The following SEC24D variants were observed in gnomAD, a reference collection of about 807,000 sequenced individuals.
SEC24D encodes the protein SEC24 homolog D, COPII component.
SEC24D carries 69 observed loss-of-function variants against 116.9 expected under a neutral mutation model. The ratio of observed to expected loss-of-function variants is 0.59; its 90% CI spans 0.49 to 0.72. SEC24D has a LOEUF of 0.72. SEC24D is among the 30% of genes least tolerant of loss of function. The pLI is 0.00. For synonymous variants in SEC24D, 405 were observed against 442.8 expected (o/e 0.91, Z 1.07); for missense variants, 1,131 against 1,264.1 (o/e 0.89, Z 1.60).
intron 3 of SEC24D, among the ~76,000 whole-genome samples, chr4:118,820,066 A>C (rs927131039): frequency 5.9e-5 from 9 of 152,208 alleles, no homozygotes; most frequent in African/African-American, 2.2e-4. Context: ...AATTATTATC[A>C]ATTTTAAAAT....
At position 118,744,874 on chromosome 4, in the gene SEC24D, T is replaced by G. The variant is rs1371945705; in HGVS notation, c.1824+70A>C. 5 of 828,824 alleles carry G rather than the reference T, an allele frequency of 6.0e-6. No individual in the cohort carries two copies. In the Admixed American group the frequency reaches 1.1e-4, roughly 17 times the overall value. 51.3% of individuals were successfully genotyped at this position (828,824 alleles called of 1,614,324 possible). On this transcript the variant is annotated intron_variant, in intron 14 of 22. Transcript: ENST00000280551. ...TTAGTTTCTCCCCTTTTTTCTTACA[T>G]GAAGAACACACTGCCTCTTTAACTC...
rs1725532611 is a variant in SEC24D at position 118,728,698 on chromosome 4, A to C, written c.2869-48T>G. The C allele has an allele frequency of 4.5e-6, 5 of 1,105,296 alleles. No homozygotes were observed. In the East Asian group the frequency reaches 1.2e-4, roughly 26 times the overall value. 68.5% of individuals were successfully genotyped at this position (1,105,296 alleles called of 1,614,324 possible). ...TTTTAGTACAGTTTATAACATTTAG[A>C]TAGAAGTAGCAATATGAGATTATCA... On this transcript the variant is annotated intron_variant, in intron 21 of 22. Coordinates refer to ENST00000280551, the MANE Select transcript of SEC24D (RefSeq NM_014822.4).
chr4:118,803,929 A>AT (rs141391934), intron 7 of SEC24D, among the ~76,000 whole-genome samples: 7,418 of 152,228 alleles, frequency 0.049, 222 homozygotes, highest in Non-Finnish European at 0.063. Context: ...TAATTTGTAT[A>AT]TTTTTATTAT....
At chr4:118,745,943 A>C (rs933495601) in intron 13 of SEC24D, among the ~76,000 whole-genome samples, 2 of 152,060 alleles carry the variant, frequency 1.3e-5, no homozygotes, top group African/African-American at 4.8e-5. Flanking sequence ...TGGGAGGCCA[A>C]TGCAGGAGGA....
intron 8 of SEC24D, among the ~76,000 whole-genome samples, chr4:118,784,459 A>G (rs1248042897): frequency 2.6e-5 from 4 of 152,222 alleles, no homozygotes; most frequent in African/African-American, 9.6e-5. Flanking sequence ...TATGGGATGT[A>G]GTAAACCCCA....
intron 22 of SEC24D, among the ~76,000 whole-genome samples, chr4:118,727,090 G>A (rs1725455762): frequency 6.6e-6 from 1 of 152,198 alleles, no homozygotes; most frequent in African/African-American, 2.4e-5. Flanking sequence ...CCAAGCTAGT[G>A]AGCTCCTTTG....
chr4:118,757,679 G>C (rs753168705), intron 11 of SEC24D, 42 bp downstream of exon 11: 1 of 1,568,310 alleles, frequency 6.4e-7, no homozygotes, highest in Non-Finnish European at 8.6e-7. Context: ...AATTAATTAG[G>C]CAATAATGTA....
At chr4:118,747,831 C>T (rs538602548) in intron 13 of SEC24D, among the ~76,000 whole-genome samples, 1 of 152,082 alleles carries the variant, frequency 6.6e-6, no homozygotes, top group Non-Finnish European at 1.5e-5. Context: ...TGACACTGGA[C>T]AAATTATTTA....
Position 118,744,991 on chromosome 4 carries a change from G to A in SEC24D, c.1777C>T (p.Leu593Phe), listed in dbSNP as rs1392913327. 2 of 1,611,980 alleles carry A rather than the reference G, an allele frequency of 1.2e-6. No homozygotes were observed. Among genetic ancestry groups the A allele is most frequent in the South Asian group, 1.1e-5 (1 of 91,020 alleles). Residue 593 changes from leucine to phenylalanine, a missense_variant, in exon 14 of 23, where the codon CTC becomes TTC. Coordinates refer to ENST00000280551, the MANE Select transcript of SEC24D (RefSeq NM_014822.4). ...SLPTAEAPGK[L>F]KNRDDKKLVN... ...AGTTTTTTGTCATCTCTGTTTTTGAGCTTCCCTGGTGCTTCAGCAGTTGGC... is the reference window on the plus strand; with the variant it reads ...AGTTTTTTGTCATCTCTGTTTTTGAACTTCCCTGGTGCTTCAGCAGTTGGC...
In SEC24D at chr4:118,797,663, CTATTA is replaced by C; in HGVS notation, c.1041+15_1041+19del. ...TTGGAATTGATAAATTATTGAATTG[CTATTA>C]TATATCATTCTTACCTCATTTGAAG... On this transcript the variant is annotated intron_variant, in intron 8 of 22. Transcript: ENST00000280551. The C allele has an allele frequency of 6.6e-7, 1 of 1,523,088 alleles. No homozygotes were observed. Among genetic ancestry groups the C allele is most frequent in the Middle Eastern group, 1.8e-4 (1 of 5,704 alleles). 94.3% of individuals were successfully genotyped at this position (1,523,088 alleles called of 1,614,324 possible).
chr4:118,740,686 C>T lies in SEC24D; in HGVS notation c.2215G>A (p.Glu739Lys). The change falls in exon 17 of 23, where the codon GAA (glutamate) becomes AAA (lysine). Residue 739 changes from glutamate to lysine, a missense_variant. Physicochemically the swap from Glu to Lys is moderately conservative, Grantham distance 56. Coordinates refer to ENST00000280551, the MANE Select transcript of SEC24D (RefSeq NM_014822.4). ...VEFKHDDKLSEDSGALIQCAV... is the reference protein window; with the variant it reads ...VEFKHDDKLSKDSGALIQCAV... ...ACCTGGATTAAGGCTCCACTGTCTT[C>T]ACTGAGTTTGTCATCGTGCTTGAAC... is the stretch of plus-strand genomic sequence containing the variant. 1 of 1,613,896 alleles carries T rather than the reference C, an allele frequency of 6.2e-7. No individual in the cohort carries two copies. The highest frequency in any genetic ancestry group is 8.5e-7 in the Non-Finnish European group (1 of 1,179,836).
intron 2 of SEC24D, among the ~76,000 whole-genome samples, chr4:118,828,512 G>A (rs186428670): frequency 1.3e-5 from 2 of 152,212 alleles, no homozygotes. Flanking sequence ...GACATTTTTG[G>A]TTGCCACAAC....
At position 118,779,898 on chromosome 4, in the gene SEC24D, T is replaced by A. The variant is rs186424306; in HGVS notation, c.1042-11587A>T. 3.9e-5 allele frequency among the ~76,000 whole-genome samples: 6 copies of A among 152,326 alleles called. No homozygotes were observed. The East Asian group carries it at 1.2e-3, about 29-fold the overall frequency. On this transcript the variant is annotated intron_variant, in intron 8 of 22. Coordinates refer to ENST00000280551, the MANE Select transcript of SEC24D (RefSeq NM_014822.4). ...TTTCTAGTTTATTTGCTTAGAGGTG[T>A]TTATAGTATTCCTGATGGTAGTTTG...
chr4:118,796,857 T>C (rs894669693), intron 8 of SEC24D, among the ~76,000 whole-genome samples: 15 of 152,236 alleles, frequency 9.9e-5, no homozygotes, highest in African/African-American at 3.6e-4. Flanking sequence ...TGGGAGGGAA[T>C]ACTGGGGCTC....
chr4:118,742,802 C>T (rs1377095499), intron 15 of SEC24D, among the ~76,000 whole-genome samples: 1 of 152,200 alleles, frequency 6.6e-6, no homozygotes, highest in Non-Finnish European at 1.5e-5. Flanking sequence ...GACCCCTTCT[C>T]CTTAGGTGAT....
In SEC24D at chr4:118,815,903, C is replaced by T. The variant is rs114385163; in HGVS notation, c.398-177G>A. 0.044 allele frequency among the ~76,000 whole-genome samples: 6,642 copies of T among 152,058 alleles called. 202 individuals are homozygous for T. The highest frequency in any genetic ancestry group is 0.064 in the Non-Finnish European group (4,324 of 67,980). On this transcript the variant is annotated intron_variant, in intron 4 of 22. Transcript: ENST00000280551. ...ATCTTCATTCAGAAAATAGAACAAA[C>T]GCTATTTTATACAACTGGGATTTTT...
intron 2 of SEC24D, among the ~76,000 whole-genome samples, chr4:118,825,072 G>A (rs1483006111): frequency 1.3e-5 from 2 of 152,120 alleles, no homozygotes; most frequent in African/African-American, 2.4e-5. Context: ...ACTAAAACAC[G>A]CAATGAAAAA....
intron 7 of SEC24D, among the ~76,000 whole-genome samples, chr4:118,801,518 G>A (rs544430200): frequency 6.6e-6 from 1 of 152,170 alleles, no homozygotes; most frequent in East Asian, 1.9e-4. Flanking sequence ...GCTTAATAGT[G>A]TTTGTTTCAT....
chr4:118,781,603 T>C (rs1728416274), intron 8 of SEC24D, among the ~76,000 whole-genome samples: 1 of 152,180 alleles, frequency 6.6e-6, no homozygotes, highest in Non-Finnish European at 1.5e-5. Flanking sequence ...TTTGTGGTGG[T>C]CTCTGTATTT....
Sources: allele counts gnomAD v4.1 joint callset (sites outside exome capture counted in the v4.1 genomes callset), GRCh38; gene constraint gnomAD v4.1.1; transcripts MANE v1.5; gene names NCBI Gene and HGNC (gene_info 2026-07-23, HGNC 2026-07-21).